MTUS2: variants seen among roughly 807,000 people sequenced by gnomAD.
MTUS2 encodes microtubule associated scaffold protein 2, also known as microtubule-associated tumor suppressor candidate 2.
Under a neutral mutation model 114.1 loss-of-function variants are expected in MTUS2, and 40 were observed. The ratio of observed to expected loss-of-function variants is 0.35; its 90% confidence interval spans 0.27 to 0.46. The LOEUF is 0.46. MTUS2 is among the 20% of genes least tolerant of loss of function. The pLI, the probability that MTUS2 is intolerant of heterozygous loss-of-function variation, is 1.00. For synonymous variants in MTUS2, 688 were observed against 672.0 expected (o/e 1.02, Z -0.37); for missense variants, 1,679 against 1,705.4 (o/e 0.98, Z 0.27).
chr13:28,870,058 T>G (rs1409121107), intron 2 of MTUS2, among the ~76,000 whole-genome samples: 1 of 152,224 alleles, frequency 6.6e-6, no homozygotes, highest in African/African-American at 2.4e-5. Flanking sequence ...ATATATCATG[T>G]ATAGTGATCA....
intron 6 of MTUS2, among the ~76,000 whole-genome samples, chr13:29,290,060 C>T (rs1898643349): frequency 1.3e-5 from 2 of 152,174 alleles, no homozygotes; most frequent in South Asian, 2.1e-4. Context: ...ACTTACCTGT[C>T]GTTCTACATA....
intron 4 of MTUS2, among the ~76,000 whole-genome samples, chr13:29,092,956 G>T (rs1343980650): frequency 1.3e-5 from 2 of 152,088 alleles, no homozygotes; most frequent in Non-Finnish European, 2.9e-5. Context: ...AAGTGTAAGT[G>T]TTCTCATGGA....
chr13:29,130,674 G>A (rs562799302), intron 5 of MTUS2, among the ~76,000 whole-genome samples: 75 of 151,930 alleles, frequency 4.9e-4, no homozygotes, highest in African/African-American at 1.6e-3. Flanking sequence ...TTGCCAGGCC[G>A]GAGTGCAATG....
At chr13:29,312,769 G>T (rs1438655317) in intron 6 of MTUS2, among the ~76,000 whole-genome samples, 1 of 152,102 alleles carries the variant, frequency 6.6e-6, no homozygotes, top group Non-Finnish European at 1.5e-5. Context: ...AAGAGAACTG[G>T]ATTATTTTCT....
intron 7 of MTUS2, among the ~76,000 whole-genome samples, chr13:29,345,461 C>T (rs781560317): frequency 6.6e-6 from 1 of 151,608 alleles, no homozygotes; most frequent in Non-Finnish European, 1.5e-5. Context: ...GTGACAGTTT[C>T]CAGTGTATTT....
chr13:29,228,715 G>C (rs1896208883), intron 5 of MTUS2, among the ~76,000 whole-genome samples: 1 of 152,090 alleles, frequency 6.6e-6, no homozygotes, highest in Non-Finnish European at 1.5e-5. Flanking sequence ...AGAGAGAGGA[G>C]AGGATGAAGG....
At chr13:29,187,800 A>G (rs1254311056) in intron 5 of MTUS2, among the ~76,000 whole-genome samples, 1 of 152,174 alleles carries the variant, frequency 6.6e-6, no homozygotes, top group Non-Finnish European at 1.5e-5. Flanking sequence ...CACCCAGTAC[A>G]GAGGTCCAGA....
intron 5 of MTUS2, among the ~76,000 whole-genome samples, chr13:29,278,320 A>G (rs1212873889): frequency 6.6e-6 from 1 of 152,230 alleles, no homozygotes; most frequent in Non-Finnish European, 1.5e-5. Context: ...CAATAAAGGC[A>G]CCATAAGTGT....
At chr13:29,486,049 A>T (rs1881593537) in intron 10 of MTUS2, among the ~76,000 whole-genome samples, 2 of 152,192 alleles carry the variant, frequency 1.3e-5, no homozygotes, top group African/African-American at 2.4e-5. Flanking sequence ...TTTCCAACAG[A>T]TTGAAAGGTT....
chr13:29,488,575 C>T (rs767589151), intron 11 of MTUS2, among the ~76,000 whole-genome samples: 24 of 151,910 alleles, frequency 1.6e-4, no homozygotes, highest in South Asian at 1.0e-3. Context: ...GCCTCCAGCC[C>T]GAGTAGCTGG....
At chr13:29,451,224 C>A (rs1878661882) in intron 9 of MTUS2, among the ~76,000 whole-genome samples, 1 of 151,748 alleles carries the variant, frequency 6.6e-6, no homozygotes, top group Non-Finnish European at 1.5e-5. Flanking sequence ...TAAAAGAATT[C>A]AAAGTATACA....
At chr13:29,119,619 T>C (rs929101128) in intron 5 of MTUS2, among the ~76,000 whole-genome samples, 2 of 152,242 alleles carry the variant, frequency 1.3e-5, no homozygotes, top group African/African-American at 2.4e-5. Context: ...GGTCTGATTC[T>C]GAAGACCTGA....
chr13:28,841,757 G>A (rs568831523), intron 2 of MTUS2, among the ~76,000 whole-genome samples: 3 of 151,670 alleles, frequency 2.0e-5, no homozygotes, highest in South Asian at 2.1e-4. Context: ...CGTGATCTCC[G>A]CTCACTGCAA....
intron 5 of MTUS2, among the ~76,000 whole-genome samples, chr13:29,219,716 A>G (rs961251365): frequency 6.6e-6 from 1 of 152,204 alleles, no homozygotes; most frequent in African/African-American, 2.4e-5. Flanking sequence ...AATCATCTGG[A>G]TAACTTTCTG....
Position 29,198,809 on chromosome 13 carries a change from A to G in MTUS2, c.2645-82895A>G, listed in dbSNP as rs1019217525. Among the ~76,000 whole-genome samples, 3 of 151,700 alleles carry G rather than the reference A, an allele frequency of 2.0e-5. No individual in the cohort carries two copies. The East Asian group carries it at 5.8e-4, about 30-fold the overall frequency. On this transcript the variant is annotated intron_variant, in intron 5 of 15. Coordinates refer to ENST00000612955, the MANE Select transcript of MTUS2 (RefSeq NM_001033602.4). ...TCCCTTGTAAGTTGTCTTCCTAGGT[A>G]TTTTTTTCTCTTTGTAGCAATTGTG...
At chr13:28,882,617 G>T (rs1878358641) in intron 2 of MTUS2, among the ~76,000 whole-genome samples, 1 of 152,026 alleles carries the variant, frequency 6.6e-6, no homozygotes. Context: ...TGTTTCTGTA[G>T]TCTCAATTAC....
At chr13:29,389,415 G>A (rs376800636) in intron 8 of MTUS2, among the ~76,000 whole-genome samples, 1 of 90,026 alleles carries the variant, frequency 1.1e-5, no homozygotes. Context: ...ATACACGTGT[G>A]TGTGTATGTA....
chr13:29,055,296 G>A (rs746767894), intron 4 of MTUS2, among the ~76,000 whole-genome samples: 7 of 151,832 alleles, frequency 4.6e-5, no homozygotes, highest in African/African-American at 7.3e-5. Flanking sequence ...ATCTTTATTC[G>A]TGGTAATATT....
intron 5 of MTUS2, among the ~76,000 whole-genome samples, chr13:29,177,802 A>G (rs1248612084): frequency 1.3e-5 from 2 of 152,168 alleles, no homozygotes; most frequent in African/African-American, 2.4e-5. Flanking sequence ...AGCATCGTGG[A>G]GAAGCTCCAA....
Sources: gnomAD v4.1 joint callset for allele counts (sites outside exome capture counted in the v4.1 genomes callset) on GRCh38, gnomAD v4.1.1 for gene constraint, MANE v1.5 for transcripts, NCBI Gene and HGNC (gene_info 2026-07-23, HGNC 2026-07-21) for gene names.